BAZ2B: variants seen among roughly 807,000 people sequenced by gnomAD.
BAZ2B encodes the protein bromodomain adjacent to zinc finger domain 2B, also known as bromodomain adjacent to zinc finger domain protein 2B.
BAZ2B carries 91 observed loss-of-function variants against 246.0 expected under a neutral mutation model. The ratio of observed to expected loss-of-function variants is 0.37; its 90% confidence interval spans 0.31 to 0.44. The LOEUF (loss-of-function observed/expected upper bound fraction) is 0.44, where lower values mean the gene tolerates loss of function less well. Ranked by LOEUF, BAZ2B falls within the 20% of genes least tolerant of loss-of-function variation. The pLI, the probability that BAZ2B is intolerant of heterozygous loss-of-function variation, is 1.00. For synonymous variants in BAZ2B, 855 were observed against 860.0 expected, an observed-to-expected ratio of 0.99 and a Z score of 0.10; for missense variants, 2,332 against 2,533.7, an observed-to-expected ratio of 0.92 and a Z score of 1.71.
At chr2:159,453,490 T>C (rs1417553378) in intron 4 of BAZ2B, 123 bp downstream of exon 4, 13 of 1,162,478 alleles carry the variant, frequency 1.1e-5, no homozygotes, top group East Asian at 2.9e-5. Flanking sequence ...AAGCCAATTC[T>C]TGCACCAAAG....
intron 20 of BAZ2B, among the ~76,000 whole-genome samples, chr2:159,394,797 T>C (rs190147604): frequency 6.6e-6 from 1 of 152,314 alleles, no homozygotes; most frequent in African/African-American, 2.4e-5. Flanking sequence ...CTTCATTTTA[T>C]AGATGAAATG....
chr2:159,451,003 C>T (rs575196237), intron 4 of BAZ2B, among the ~76,000 whole-genome samples: 4 of 152,100 alleles, frequency 2.6e-5, no homozygotes, highest in South Asian at 4.1e-4. Context: ...ATTATAGGCA[C>T]GAGGCACCAT....
At chr2:159,456,586 TG>T (rs1434745752) in intron 3 of BAZ2B, among the ~76,000 whole-genome samples, 3 of 152,070 alleles carry the variant, frequency 2.0e-5, no homozygotes, top group African/African-American at 7.2e-5. Flanking sequence ...CAGATTCAAA[TG>T]AAAAAAATAT....
chr2:159,515,158 C>T (rs1333639952), intron 2 of BAZ2B, among the ~76,000 whole-genome samples: 1 of 151,884 alleles, frequency 6.6e-6, no homozygotes, highest in Non-Finnish European at 1.5e-5. Context: ...ATACCTAATA[C>T]TACAGTTTAA....
At chr2:159,642,642 G>T in the BAZ2B span, among the ~76,000 whole-genome samples, 2 of 151,460 alleles carry the variant, frequency 1.3e-5, no homozygotes, top group African/African-American at 4.8e-5. Flanking sequence ...ATAAATTATA[G>T]AAAAATGAAA....
intron 13 of BAZ2B, among the ~76,000 whole-genome samples, chr2:159,420,361 G>A (rs2068519867): frequency 6.6e-6 from 1 of 152,046 alleles, no homozygotes; most frequent in South Asian, 2.1e-4. Context: ...ACTTTTTATG[G>A]CTTATGCATT....
chr2:159,682,940 C>T, the BAZ2B span, among the ~76,000 whole-genome samples: 2 of 148,186 alleles, frequency 1.3e-5, no homozygotes, highest in Admixed American at 1.3e-4. Context: ...TTCTAGGAGT[C>T]CTCCCAGCAG....
intron 4 of BAZ2B, among the ~76,000 whole-genome samples, chr2:159,450,876 AT>A (rs2074997398): frequency 6.6e-6 from 1 of 151,714 alleles, no homozygotes; most frequent in African/African-American, 2.4e-5. Context: ...GGTAGCTGGG[AT>A]TACAGGCATG....
chr2:159,323,177 A>T (rs1558931580), intron 36 of BAZ2B, among the ~76,000 whole-genome samples: 1 of 151,520 alleles, frequency 6.6e-6, no homozygotes, highest in Non-Finnish European at 1.5e-5. Context: ...TAGAGATGAG[A>T]TTTCACCATA....
chr2:159,687,042 A>AAAG, the BAZ2B span, among the ~76,000 whole-genome samples: 1 of 2,756 alleles, frequency 3.6e-4, no homozygotes, highest in African/African-American at 1.2e-3. Context: ...ACTCCATCTC[A>AAAG]AAAAAAAAAA....
At chr2:159,543,155 TATTATC>T (rs1005262251) in intron 2 of BAZ2B, among the ~76,000 whole-genome samples, 3 of 152,224 alleles carry the variant, frequency 2.0e-5, no homozygotes, top group African/African-American at 4.8e-5. Context: ...TATTACTTAT[TATTATC>T]ATTATCATTT....
intron 3 of BAZ2B, among the ~76,000 whole-genome samples, chr2:159,476,215 G>C (rs988781660): frequency 3.3e-5 from 5 of 152,010 alleles, no homozygotes; most frequent in Admixed American, 3.3e-4. Flanking sequence ...TGGGGCTGCT[G>C]TAAAAGGCTT....
chr2:159,540,920 A>C (rs1166090308), intron 2 of BAZ2B, among the ~76,000 whole-genome samples: 4 of 152,202 alleles, frequency 2.6e-5, no homozygotes, highest in Admixed American at 6.5e-5. Flanking sequence ...AAGCAGAGCT[A>C]ACAAAATTAA....
intron 14 of BAZ2B, among the ~76,000 whole-genome samples, chr2:159,405,722 ATT>A (rs34199255): frequency 1.3e-5 from 2 of 151,788 alleles, no homozygotes; most frequent in Admixed American, 1.3e-4. Context: ...ATTTAAGTAC[ATT>A]TTTTTTCACA....
intron 2 of BAZ2B, among the ~76,000 whole-genome samples, chr2:159,520,760 T>C (rs1402710477): frequency 6.6e-6 from 1 of 152,150 alleles, no homozygotes; most frequent in Non-Finnish European, 1.5e-5. Context: ...CTTGTCAAAA[T>C]AATTTCAATT....
chr2:159,340,000 A>C (rs2066346044), intron 31 of BAZ2B, among the ~76,000 whole-genome samples: 1 of 152,182 alleles, frequency 6.6e-6, no homozygotes, highest in Non-Finnish European at 1.5e-5. Flanking sequence ...AGGAGAATAC[A>C]TAAAGACAAT....
At chr2:159,662,831 C>T in the BAZ2B span, among the ~76,000 whole-genome samples, 1 of 151,864 alleles carries the variant, frequency 6.6e-6, no homozygotes, top group African/African-American at 2.4e-5. Flanking sequence ...TGCGCCCAGC[C>T]CTTACTTTCG....
At chr2:159,602,295 G>A (rs1692342331) in intron 1 of BAZ2B, among the ~76,000 whole-genome samples, 1 of 152,166 alleles carries the variant, frequency 6.6e-6, no homozygotes, top group Non-Finnish European at 1.5e-5. Context: ...AAGAGGAAAG[G>A]AGGAAAAGGA....
intron 1 of BAZ2B, among the ~76,000 whole-genome samples, chr2:159,591,434 G>C (rs1689365878): frequency 6.6e-6 from 1 of 152,010 alleles, no homozygotes. Flanking sequence ...CTGTTTCTAT[G>C]GCAACAAAGG....
Sources: allele counts gnomAD v4.1 joint callset (sites outside exome capture counted in the v4.1 genomes callset), GRCh38; gene constraint gnomAD v4.1.1; transcripts MANE v1.5; gene names NCBI Gene and HGNC (gene_info 2026-07-23, HGNC 2026-07-21).